SESTD1: variants seen among roughly 807,000 people sequenced by gnomAD.
SESTD1 encodes SEC14 domain and spectrin repeat-containing protein 1.
Under a neutral mutation model 101.7 loss-of-function variants are expected in SESTD1, and 43 were observed. The observed-to-expected ratio is 0.42, with a 90% CI of 0.33 to 0.55. The LOEUF is 0.55. Among genes scored for constraint, SESTD1 ranks in the 20% least tolerant of loss-of-function variants. The pLI is 0.07. For missense variants in SESTD1, 647 were observed against 815.1 expected, an observed-to-expected ratio of 0.79 and a Z score of 2.51; for synonymous variants, 283 against 286.8, an observed-to-expected ratio of 0.99 and a Z score of 0.13.
intron 9 of SESTD1, among the ~76,000 whole-genome samples, chr2:179,142,721 T>C (rs1445203022): frequency 6.6e-6 from 1 of 152,220 alleles, no homozygotes; most frequent in African/African-American, 2.4e-5. Flanking sequence ...CAATCTCAAA[T>C]GCTACTTCCC....
In SESTD1 at chr2:179,103,640, T is replaced by C. The variant is rs916024974; in HGVS notation, c.*6259A>G. ...ACAGCAATAAAAAAATGAAGCCTTG[T>C]AGAAAAGCGTACATGTTGCGTGACT... On this transcript the variant is annotated 3_prime_UTR_variant, in exon 18 of 18. Coordinates refer to ENST00000428443, the MANE Select transcript of SESTD1 (RefSeq NM_178123.5). 2.0e-5 allele frequency: 3 copies of C among 152,122 alleles called. No individual in the cohort carries two copies. The highest frequency in any genetic ancestry group is 4.4e-5 in the Non-Finnish European group (3 of 68,008). 9.4% of individuals were successfully genotyped at this position (152,122 alleles called of 1,614,324 possible).
At position 179,103,063 on chromosome 2, in the gene SESTD1, C is replaced by T. The variant is rs1322561259; in HGVS notation, c.*6836G>A. 6.6e-6 allele frequency: 1 copy of T among 152,104 alleles called. No individual in the cohort carries two copies. Among genetic ancestry groups the T allele is most frequent in the East Asian group, 1.9e-4 (1 of 5,198 alleles). 9.4% of individuals were successfully genotyped at this position (152,104 alleles called of 1,614,324 possible). A position where few individuals can be genotyped will look rare whatever the true frequency, so the allele number is the denominator to read the frequency against. On this transcript the variant is annotated 3_prime_UTR_variant, in exon 18 of 18. Coordinates refer to ENST00000428443, the MANE Select transcript of SESTD1 (RefSeq NM_178123.5). ...TCAGTCTTACTTTACCTACTGAAAACGGGTGGTGAAAGTTAGTAACATAAA... is the reference window on the plus strand; with the variant it reads ...TCAGTCTTACTTTACCTACTGAAAATGGGTGGTGAAAGTTAGTAACATAAA...
chr2:179,263,569 G>C (rs1267442688), intron 1 of SESTD1, among the ~76,000 whole-genome samples: 2 of 152,160 alleles, frequency 1.3e-5, no homozygotes, highest in Non-Finnish European at 2.9e-5. Context: ...CGTGAAGTAA[G>C]AGACGACCTG....
In SESTD1 at chr2:179,151,485, T is replaced by C. The variant is rs1035125389; in HGVS notation, c.370-94A>G. The C allele has an allele frequency of 4.2e-6, 3 of 712,690 alleles. No individual in the cohort carries two copies. In the African/African-American group the frequency reaches 5.5e-5, roughly 13 times the overall value. The allele number at this position is 712,690 out of a possible 1,614,324, so 44.1% of individuals were successfully genotyped here. On this transcript the variant is annotated intron_variant, in intron 5 of 17. Transcript: ENST00000428443. Reference sequence around the variant, plus strand: ...GGTAAAATTAGGTTAAAATATGCAATATTGTTTCCAACATGATGACACATT... The same window carrying C: ...GGTAAAATTAGGTTAAAATATGCAACATTGTTTCCAACATGATGACACATT...
chr2:179,239,880 C>CA (rs976940924), intron 1 of SESTD1, among the ~76,000 whole-genome samples: 2 of 152,158 alleles, frequency 1.3e-5, no homozygotes, highest in African/African-American at 4.8e-5. Flanking sequence ...TATTAACAAC[C>CA]AATTTACAAT....
At chr2:179,132,646 C>T (rs1322191777) in intron 9 of SESTD1, among the ~76,000 whole-genome samples, 1 of 152,202 alleles carries the variant, frequency 6.6e-6, no homozygotes, top group African/African-American at 2.4e-5. Flanking sequence ...TGTAGCATCA[C>T]AAGCTTTCAG....
intron 1 of SESTD1, among the ~76,000 whole-genome samples, chr2:179,245,213 A>G (rs1023271580): frequency 2.0e-5 from 3 of 152,112 alleles, no homozygotes; most frequent in African/African-American, 7.2e-5. Context: ...TCTACAAAAT[A>G]TTTTTAAAAA....
At position 179,203,936 on chromosome 2, in the gene SESTD1, G is replaced by T. The variant is rs1187423122; in HGVS notation, c.-25-12070C>A. 3.7e-5 allele frequency among the ~76,000 whole-genome samples: 5 copies of T among 134,186 alleles called. 1 individual carries two copies. The highest frequency in any genetic ancestry group is 8.0e-5 in the Non-Finnish European group (5 of 62,554). 88.0% of individuals were successfully genotyped at this position (134,186 alleles called of 152,430 possible). The stretch of plus-strand genomic sequence containing the variant: ...AAAAGAAACAAATAAATAAAGTGAG[G>T]ACAGTCTTGTGGGATTGAGCCCTTA... On this transcript the variant is annotated intron_variant, in intron 1 of 17. Transcript: ENST00000428443.
rs75764330 is a variant in SESTD1 at position 179,203,989 on chromosome 2, T to C, written c.-25-12123A>G. On this transcript the variant is annotated intron_variant, in intron 1 of 17. Coordinates refer to ENST00000428443, the MANE Select transcript of SESTD1 (RefSeq NM_178123.5). ...CCCTGGATCTGATAACTCCATGCAC[T>C]TACTGCTAGAATTGAACTGGGTTGT... 3.3e-3 allele frequency among the ~76,000 whole-genome samples: 452 copies of C among 134,972 alleles called. 116 individuals carry two copies. Among genetic ancestry groups the C allele is most frequent in the African/African-American group, 0.013 (432 of 34,254 alleles). The allele number at this position is 134,972 out of a possible 152,430, so 88.5% of individuals were successfully genotyped here. A position where few individuals can be genotyped will look rare whatever the true frequency, so the allele number is the denominator to read the frequency against.
chr2:179,236,006 C>A (rs2047060442), intron 1 of SESTD1, among the ~76,000 whole-genome samples: 1 of 152,088 alleles, frequency 6.6e-6, no homozygotes, highest in African/African-American at 2.4e-5. Context: ...CCTGACACAA[C>A]ACTCAAGGTG....
In SESTD1 at chr2:179,207,466, C is replaced by T. The variant is rs192690113; in HGVS notation, c.-25-15600G>A. 6.2e-4 allele frequency among the ~76,000 whole-genome samples: 84 copies of T among 135,194 alleles called. 20 individuals carry two copies. Among genetic ancestry groups the T allele is most frequent in the Non-Finnish European group, 1.0e-3 (63 of 62,742 alleles). The allele number at this position is 135,194 out of a possible 152,430, so 88.7% of individuals were successfully genotyped here. On this transcript the variant is annotated intron_variant, in intron 1 of 17. Transcript: ENST00000428443. ...CCAAACAAAACTAAAATCAAGGACT[C>T]CCACAGAGTCCACCTTATTTACTCC...
At position 179,112,788 on chromosome 2, in the gene SESTD1, C is replaced by A; in HGVS notation, c.1897G>T (p.Glu633Ter). Residue 633 changes from glutamate to a stop codon, truncating the protein, a stop_gained, in exon 17 of 18, where the codon GAA (glutamate) becomes TAA (stop). Coordinates refer to ENST00000428443, the MANE Select transcript of SESTD1 (RefSeq NM_178123.5). LOFTEE classifies it high-confidence loss of function. ...AGTGATTTCCCAACTGCTTCAATTT[C>A]ATCAAATTGCTCCTCATCATTAATA... ...EAINDEEQFD[E>*]IEAVGKSLLD... The A allele has an allele frequency of 6.2e-7, 1 of 1,613,248 alleles. No individual in the cohort carries two copies. Among genetic ancestry groups the A allele is most frequent in the Non-Finnish European group, 8.5e-7 (1 of 1,179,970 alleles).
Position 179,124,356 on chromosome 2 carries a change from A to C in SESTD1, c.1167+8T>G. 1 of 1,611,222 alleles carries C rather than the reference A, an allele frequency of 6.2e-7. No homozygotes were observed. Among genetic ancestry groups the C allele is most frequent in the Middle Eastern group, 1.7e-4 (1 of 6,044 alleles). On this transcript the variant is annotated splice_region_variant and intron_variant, in intron 11 of 17. Coordinates refer to ENST00000428443, the MANE Select transcript of SESTD1 (RefSeq NM_178123.5). ...GAAGAAAAGAAAAGAATCAGAATAG[A>C]CACTTACATCTTGGGCAACACCATG...
intron 9 of SESTD1, among the ~76,000 whole-genome samples, chr2:179,133,766 AACAGTT>A (rs1473696767): frequency 6.6e-6 from 1 of 152,172 alleles, no homozygotes; most frequent in Non-Finnish European, 1.5e-5. Context: ...TTCTAAATCT[AACAGTT>A]TATGGATCTT....
intron 1 of SESTD1, among the ~76,000 whole-genome samples, chr2:179,216,788 C>T (rs1252408622): frequency 7.9e-6 from 1 of 127,194 alleles, no homozygotes. Context: ...AACAGACATA[C>T]AGACCAGTGG....
intron 3 of SESTD1, among the ~76,000 whole-genome samples, chr2:179,178,496 A>G (rs1293805180): frequency 6.6e-6 from 1 of 152,060 alleles, no homozygotes; most frequent in African/African-American, 2.4e-5. Context: ...TTGGGGAGAG[A>G]AACAAACCTG....
At chr2:179,131,598 G>T (rs186728194) in intron 10 of SESTD1, among the ~76,000 whole-genome samples, 5 of 151,984 alleles carry the variant, frequency 3.3e-5, no homozygotes. Context: ...TTAGGGAGAG[G>T]GGGGTGAGCT....
chr2:179,230,113 CTTTTTTTTTTTTTTTTTTTT>C (rs71023474), intron 1 of SESTD1, among the ~76,000 whole-genome samples: 894 of 56,414 alleles, frequency 0.016, 9 homozygotes, highest in African/African-American at 0.028. Context: ...GATTGTATCT[CTTTTTTTTTTTTTTTTTTTT>C]TTTTTTTTTT....
chr2:179,195,605 A>G (rs150887487), intron 1 of SESTD1, among the ~76,000 whole-genome samples: 132 of 152,338 alleles, frequency 8.7e-4, no homozygotes, highest in African/African-American at 2.9e-3. Flanking sequence ...CTAATTGAAC[A>G]ATCTCTTAAG....
Sources: allele counts gnomAD v4.1 joint callset (sites outside exome capture counted in the v4.1 genomes callset), GRCh38; gene constraint gnomAD v4.1.1; transcripts MANE v1.5; gene names NCBI Gene and HGNC (gene_info 2026-07-23, HGNC 2026-07-21).